The following AGBL1 variants were observed in gnomAD, a reference collection of about 807,000 sequenced individuals.
AGBL1 encodes the protein AGBL carboxypeptidase 1.
Under a neutral mutation model 118.9 loss-of-function variants are expected in AGBL1, and 130 were observed. The observed-to-expected ratio is 1.09, with a 90% CI of 0.95 to 1.26. AGBL1 has a LOEUF of 1.26. Ranked by LOEUF, AGBL1 falls within the 50% of genes most tolerant of loss-of-function variation. AGBL1 has a pLI of 0.00. For missense variants in AGBL1, 1,584 were observed against 1,298.1 expected (o/e 1.22, Z -3.38); for synonymous variants, 555 against 478.9 (o/e 1.16, Z -2.08).
intron 23 of AGBL1, among the ~76,000 whole-genome samples, chr15:86,975,683 C>A (rs2081170321): frequency 6.6e-6 from 1 of 152,106 alleles, no homozygotes; most frequent in Non-Finnish European, 1.5e-5. Flanking sequence ...AAATGATGTT[C>A]CTTCTGTCTG....
At chr15:86,256,780 T>G in intron 7 of AGBL1, 73 bp from the exon 8 acceptor site, 1 of 1,463,896 alleles carries the variant, frequency 6.8e-7, no homozygotes, top group African/African-American at 1.4e-5. Flanking sequence ...GCTTGGAGAG[T>G]GTTATTAGCT....
At chr15:86,903,058 C>T (rs2080233824) in intron 22 of AGBL1, among the ~76,000 whole-genome samples, 1 of 152,106 alleles carries the variant, frequency 6.6e-6, no homozygotes, top group Admixed American at 6.6e-5. Flanking sequence ...TATAGTCCTA[C>T]AGGATCTTAA....
chr15:86,111,806 C>T (rs540523077), intron 1 of AGBL1, among the ~76,000 whole-genome samples: 3 of 152,316 alleles, frequency 2.0e-5, no homozygotes, highest in African/African-American at 7.2e-5. Context: ...AACCAGGCCA[C>T]ACAGCAGGAG....
At chr15:86,090,899 C>T (rs1377012446) in intron 1 of AGBL1, among the ~76,000 whole-genome samples, 1 of 152,164 alleles carries the variant, frequency 6.6e-6, no homozygotes, top group Non-Finnish European at 1.5e-5. Context: ...AGAGTCAACA[C>T]ATTTATGGCT....
intron 23 of AGBL1, among the ~76,000 whole-genome samples, chr15:86,982,425 A>G (rs2081240082): frequency 6.6e-6 from 1 of 151,476 alleles, no homozygotes; most frequent in Admixed American, 6.6e-5. Flanking sequence ...TTGCTATTAT[A>G]AACATAGCTG....
chr15:86,292,614 G>A (rs2079565373), intron 16 of AGBL1, among the ~76,000 whole-genome samples: 6 of 152,144 alleles, frequency 3.9e-5, no homozygotes, highest in Admixed American at 3.9e-4. Context: ...AGGGCAGAGG[G>A]CAAAGTGGGG....
At chr15:86,633,143 GAA>G (rs2085004543) in intron 21 of AGBL1, among the ~76,000 whole-genome samples, 1 of 152,100 alleles carries the variant, frequency 6.6e-6, no homozygotes, top group African/African-American at 2.4e-5. Context: ...CAACTACAGA[GAA>G]AACATAGATT....
At chr15:86,527,535 G>A (rs557285392) in intron 19 of AGBL1, among the ~76,000 whole-genome samples, 1 of 152,268 alleles carries the variant, frequency 6.6e-6, no homozygotes, top group Middle Eastern at 3.4e-3. Context: ...TATATTTAAT[G>A]AGTCTCCTGC....
chr15:86,305,294 C>T (rs1173256405), intron 17 of AGBL1, among the ~76,000 whole-genome samples: 1 of 152,096 alleles, frequency 6.6e-6, no homozygotes, highest in Non-Finnish European at 1.5e-5. Flanking sequence ...TGGATATTTA[C>T]ATGTGTAGAG....
At chr15:86,537,919 C>G (rs115203048) in intron 19 of AGBL1, among the ~76,000 whole-genome samples, 3,426 of 152,286 alleles carry the variant, frequency 0.022, 68 homozygotes, top group Middle Eastern at 0.075. Context: ...TCATTACTTA[C>G]TAGAAGGGCA....
At chr15:86,443,257 T>C (rs2082085539) in intron 18 of AGBL1, among the ~76,000 whole-genome samples, 1 of 152,340 alleles carries the variant, frequency 6.6e-6, no homozygotes, top group Middle Eastern at 3.4e-3. Context: ...TTAGTTTCCC[T>C]GTGTGATCAG....
chr15:86,803,194 A>G (rs1341228682), intron 22 of AGBL1, among the ~76,000 whole-genome samples: 1 of 152,102 alleles, frequency 6.6e-6, no homozygotes, highest in Non-Finnish European at 1.5e-5. Context: ...TCATGTGTCA[A>G]GGGAGGGAGG....
chr15:86,729,422 C>A (rs2077499705), intron 22 of AGBL1, among the ~76,000 whole-genome samples: 1 of 152,156 alleles, frequency 6.6e-6, no homozygotes, highest in African/African-American at 2.4e-5. Flanking sequence ...GTTTTTCAAC[C>A]TACCCTGCTT....
At chr15:86,297,261 G>A (rs2079660353) in intron 17 of AGBL1, among the ~76,000 whole-genome samples, 1 of 152,092 alleles carries the variant, frequency 6.6e-6, no homozygotes, top group Admixed American at 6.6e-5. Context: ...AGAAGTATCA[G>A]ATAAATGCTA....
At chr15:86,406,859 A>C (rs1156570186) in intron 18 of AGBL1, among the ~76,000 whole-genome samples, 1 of 152,184 alleles carries the variant, frequency 6.6e-6, no homozygotes, top group East Asian at 1.9e-4. Context: ...ATGGGGCCAT[A>C]ATTAATGTAA....
chr15:86,081,251 G>A (rs1238435371), intron 1 of AGBL1, among the ~76,000 whole-genome samples: 1 of 152,112 alleles, frequency 6.6e-6, no homozygotes, highest in African/African-American at 2.4e-5. Flanking sequence ...CACCATGTCG[G>A]CCAGACTGGT....
chr15:86,896,146 T>C (rs2080122764), intron 22 of AGBL1, among the ~76,000 whole-genome samples: 1 of 152,040 alleles, frequency 6.6e-6, no homozygotes, highest in South Asian at 2.1e-4. Context: ...AAAAATCTTT[T>C]TCTTTCATTA....
chr15:86,597,407 G>A (rs1008031650), intron 21 of AGBL1, among the ~76,000 whole-genome samples: 1 of 152,092 alleles, frequency 6.6e-6, no homozygotes, highest in African/African-American at 2.4e-5. Context: ...GCTTGAAATT[G>A]GCCATGGTAT....
chr15:86,483,228 A>C (rs1162124050), intron 18 of AGBL1, among the ~76,000 whole-genome samples: 1 of 152,080 alleles, frequency 6.6e-6, no homozygotes, highest in Non-Finnish European at 1.5e-5. Context: ...AGAGAACATG[A>C]AAACCCTCAC....
Sources: allele counts gnomAD v4.1 joint callset (sites outside exome capture counted in the v4.1 genomes callset), GRCh38; gene constraint gnomAD v4.1.1; transcripts MANE v1.5; gene names NCBI Gene and HGNC (gene_info 2026-07-23, HGNC 2026-07-21).